The following CLIC5 variants were observed in gnomAD, a reference collection of about 807,000 sequenced individuals.
The protein encoded by CLIC5 is chloride intracellular channel protein 5.
CLIC5 carries 20 observed loss-of-function variants against 24.7 expected under a neutral mutation model. The ratio of observed to expected loss-of-function variants is 0.81; its 90% CI spans 0.57 to 1.18. The LOEUF is 1.18. Among genes scored for constraint, CLIC5 ranks in the 50% most tolerant of loss-of-function variants. CLIC5 has a pLI of 0.00. For missense variants in CLIC5, 341 were observed against 326.1 expected, an observed-to-expected ratio of 1.05 and a Z score of -0.35; for synonymous variants, 159 against 135.6, an observed-to-expected ratio of 1.17 and a Z score of -1.20.
upstream of CLIC5, among the ~76,000 whole-genome samples, chr6:46,082,093 T>A (rs1762932470): frequency 6.6e-6 from 1 of 152,208 alleles, no homozygotes. Flanking sequence ...ACACTACTCC[T>A]TTCCACAATG....
downstream of CLIC5, among the ~76,000 whole-genome samples, chr6:45,893,904 A>G (rs576051141): frequency 6.6e-6 from 1 of 152,320 alleles, no homozygotes; most frequent in South Asian, 2.1e-4. Flanking sequence ...TTAATTAAAG[A>G]AAGAACCTAT....
chr6:45,996,177 A>T (rs1347124414), intron 1 of CLIC5, among the ~76,000 whole-genome samples: 1 of 151,738 alleles, frequency 6.6e-6, no homozygotes, highest in Non-Finnish European at 1.5e-5. Context: ...TTTTTTGCAA[A>T]CCACGGAACT....
At chr6:46,006,718 C>T (rs537237129) in intron 1 of CLIC5, among the ~76,000 whole-genome samples, 1 of 150,332 alleles carries the variant, frequency 6.7e-6, no homozygotes, top group Non-Finnish European at 1.5e-5. Flanking sequence ...GCTCTGTCAC[C>T]AGGCTGGAGT....
At chr6:46,089,894 TTGA>T in the CLIC5 span, among the ~76,000 whole-genome samples, 3 of 152,360 alleles carry the variant, frequency 2.0e-5, no homozygotes, top group East Asian at 5.8e-4. Context: ...ACTCTAAATC[TTGA>T]TGATTACATT....
chr6:45,905,983 C>T (rs1408304239), intron 5 of CLIC5, among the ~76,000 whole-genome samples: 1 of 152,100 alleles, frequency 6.6e-6, no homozygotes, highest in African/African-American at 2.4e-5. Flanking sequence ...TTCCCCATTG[C>T]TTATTTTTGT....
Position 46,056,031 on chromosome 6 carries a change from A to G in CLIC5, c.540+23672T>C, listed in dbSNP as rs1314425014. On this transcript the variant is annotated intron_variant, in intron 1 of 5. Transcript: ENST00000185206. ...GTAGTGATTGTAGCACAACAGTCTG[A>G]GTACATTTGATGCCACTGAACTGTA... is the stretch of plus-strand genomic sequence containing the variant. Among the ~76,000 whole-genome samples, 7 of 152,338 alleles carry G rather than the reference A, an allele frequency of 4.6e-5. No homozygotes were observed. In the East Asian group the frequency reaches 1.2e-3, roughly 25 times the overall value.
intron 1 of CLIC5, among the ~76,000 whole-genome samples, chr6:46,048,021 T>TA (rs60770770): frequency 1.9e-3 from 288 of 151,042 alleles, no homozygotes; most frequent in African/African-American, 6.8e-3. Flanking sequence ...TTTTTTTTTT[T>TA]AGACAAAGTC....
At chr6:46,024,459 T>C (rs1270172667) in intron 1 of CLIC5, among the ~76,000 whole-genome samples, 1 of 152,122 alleles carries the variant, frequency 6.6e-6, no homozygotes, top group Non-Finnish European at 1.5e-5. Flanking sequence ...ATAAAGAGAC[T>C]AGGGTATGTT....
At chr6:45,893,598 G>A (rs551881652), downstream of CLIC5, among the ~76,000 whole-genome samples, 117 of 152,106 alleles carry the variant, frequency 7.7e-4, no homozygotes, top group African/African-American at 2.5e-3. Context: ...CACACTCGTC[G>A]TCCCTAATGG....
At chr6:46,037,409 T>C (rs533431658) in intron 1 of CLIC5, among the ~76,000 whole-genome samples, 3 of 152,216 alleles carry the variant, frequency 2.0e-5, no homozygotes, top group African/African-American at 4.8e-5. Flanking sequence ...AACAAAGGAA[T>C]GAATAAATAA....
At chr6:46,096,575 C>T in the CLIC5 span, among the ~76,000 whole-genome samples, 406 of 152,300 alleles carry the variant, frequency 2.7e-3, no homozygotes, top group African/African-American at 9.5e-3. Flanking sequence ...CTAGTCCTCT[C>T]CATGTAGCTG....
In CLIC5 at chr6:46,008,977, C is replaced by T. The variant is rs116564801; in HGVS notation, c.63+6503G>A. Among the ~76,000 whole-genome samples the T allele has an allele frequency of 3.9e-3, 591 of 152,240 alleles. 3 individuals carry two copies. The highest frequency in any genetic ancestry group is 0.013 in the African/African-American group (554 of 41,562). On this transcript the variant is annotated intron_variant, in intron 1 of 5. Transcript: ENST00000339561. Reference sequence around the variant, plus strand: ...CTCAGTCTTTGATGGGCTTCAGAATCACCAGTGGGTAGCTTCTTAAGCATA... The same window carrying T: ...CTCAGTCTTTGATGGGCTTCAGAATTACCAGTGGGTAGCTTCTTAAGCATA...
At chr6:46,019,295 C>T (rs1052143814), upstream of CLIC5, among the ~76,000 whole-genome samples, 4 of 152,096 alleles carry the variant, frequency 2.6e-5, no homozygotes, top group African/African-American at 9.7e-5. Flanking sequence ...AACAAGAAGA[C>T]CCAACTATAT....
At chr6:45,981,502 T>A (rs1439446206) in intron 1 of CLIC5, among the ~76,000 whole-genome samples, 1 of 152,218 alleles carries the variant, frequency 6.6e-6, no homozygotes, top group Non-Finnish European at 1.5e-5. Flanking sequence ...ATCTGATTTA[T>A]ATATTTATCA....
At chr6:46,112,685 A>C in the CLIC5 span, among the ~76,000 whole-genome samples, 1 of 152,150 alleles carries the variant, frequency 6.6e-6, no homozygotes, top group Non-Finnish European at 1.5e-5. Flanking sequence ...CTTTGTGTGG[A>C]GGGTGGTTTA....
chr6:46,068,686 T>C (rs925779916), intron 1 of CLIC5, among the ~76,000 whole-genome samples: 1 of 152,056 alleles, frequency 6.6e-6, no homozygotes, highest in Admixed American at 6.6e-5. Flanking sequence ...ATGAGGTCAT[T>C]AGGGTGAGCC....
intron 6 of CLIC5, among the ~76,000 whole-genome samples, chr6:45,892,707 A>G (rs541831550): frequency 1.3e-5 from 2 of 152,332 alleles, no homozygotes; most frequent in South Asian, 4.1e-4. Flanking sequence ...ATATTTATGA[A>G]CAATGTCTTT....
At chr6:45,930,706 G>A (rs979303895) in intron 4 of CLIC5, among the ~76,000 whole-genome samples, 1 of 152,194 alleles carries the variant, frequency 6.6e-6, no homozygotes, top group Admixed American at 6.5e-5. Context: ...GGGGAGCACT[G>A]TGAAATTAAT....
chr6:46,009,839 G>A (rs575914519), intron 1 of CLIC5, among the ~76,000 whole-genome samples: 8 of 152,168 alleles, frequency 5.3e-5, no homozygotes, highest in Admixed American at 1.3e-4. Flanking sequence ...CTTGGATGAG[G>A]GAGCAACTGA....
Sources: gnomAD v4.1 joint callset for allele counts (sites outside exome capture counted in the v4.1 genomes callset) on GRCh38, gnomAD v4.1.1 for gene constraint, MANE v1.5 for transcripts, NCBI Gene and HGNC (gene_info 2026-07-23, HGNC 2026-07-21) for gene names.